The following SLC12A2 variants were observed in gnomAD, a reference collection of about 807,000 sequenced individuals.
SLC12A2 encodes the protein solute carrier family 12 member 2.
In SLC12A2, 67 loss-of-function variants were observed where a neutral mutation model predicts 136.3. The observed-to-expected ratio is 0.49, with a 90% CI of 0.40 to 0.60. The LOEUF is 0.60. Among genes scored for constraint, SLC12A2 ranks in the 20% least tolerant of loss-of-function variants. The pLI is 0.00. For missense variants in SLC12A2, 1,322 were observed against 1,534.7 expected (o/e 0.86, Z 2.32); for synonymous variants, 619 against 562.9 (o/e 1.10, Z -1.41).
intron 19 of SLC12A2, among the ~76,000 whole-genome samples, chr5:128,172,547 G>T (rs1039032674): frequency 6.6e-6 from 1 of 152,168 alleles, no homozygotes; most frequent in African/African-American, 2.4e-5. Flanking sequence ...AATCATTACT[G>T]TATAATTTTG....
chr5:128,109,637 C>T (rs892276385), intron 1 of SLC12A2: 1 of 791,390 alleles, frequency 1.3e-6, no homozygotes, highest in African/African-American at 1.7e-5. Context: ...TTTCTATATT[C>T]AGACAGTGGA....
At chr5:128,171,899 C>G in intron 19 of SLC12A2, 153 bp downstream of exon 19, 1 of 500,886 alleles carries the variant, frequency 2.0e-6, no homozygotes, top group South Asian at 3.8e-5. Flanking sequence ...CTGTTTGGCT[C>G]CACTAAAGTT....
chr5:128,170,125 A>G (rs1763326004), intron 18 of SLC12A2: 1 of 152,218 alleles, frequency 6.6e-6, no homozygotes, highest in South Asian at 2.1e-4. Flanking sequence ...AGTATATAAG[A>G]TCTGAAGCTG....
At chr5:128,170,509 T>A (rs923863011) in intron 18 of SLC12A2, 1 of 152,206 alleles carries the variant, frequency 6.6e-6, no homozygotes, top group Non-Finnish European at 1.5e-5. Flanking sequence ...TTTATTGGAT[T>A]TTAGCCTTTT....
chr5:128,133,877 T>A (rs530984731), intron 5 of SLC12A2, among the ~76,000 whole-genome samples: 1 of 152,078 alleles, frequency 6.6e-6, no homozygotes, highest in Non-Finnish European at 1.5e-5. Context: ...GTATTAGTTA[T>A]AACTTTTTTA....
chr5:128,166,213 A>G (rs1310397944), intron 17 of SLC12A2, among the ~76,000 whole-genome samples: 1 of 152,048 alleles, frequency 6.6e-6, no homozygotes, highest in Non-Finnish European at 1.5e-5. Context: ...AAATAATCCT[A>G]TGTGTGACCT....
In SLC12A2 at chr5:128,184,378, T is replaced by C. The variant is rs1763801769; in HGVS notation, c.3312T>C (p.Phe1104=). Residue 1104 remains phenylalanine, a synonymous_variant, in exon 25 of 27, where the codon TTT becomes TTC. Coordinates refer to ENST00000262461, the MANE Select transcript of SLC12A2 (RefSeq NM_001046.3). ...TKPKKENIIA[F]EEIIEPYRLH... ...CTGTTTTTTAAAGTATTATAGCTTT[T>C]GAGGAAATCATTGAGCCATACAGAC... 1.9e-6 allele frequency: 3 copies of C among 1,551,290 alleles called. No homozygotes were observed. Among genetic ancestry groups the C allele is most frequent in the Non-Finnish European group, 2.6e-6 (3 of 1,147,698 alleles).
chr5:128,113,031 C>T (rs1581073111), intron 2 of SLC12A2, 98 bp downstream of exon 2: 1 of 1,099,822 alleles, frequency 9.1e-7, no homozygotes, highest in South Asian at 2.2e-5. Flanking sequence ...CTCTTTTTTT[C>T]TCTATGTTAA....
At position 128,114,620 on chromosome 5, in the gene SLC12A2, T is replaced by C; in HGVS notation, c.987T>C (p.Val329=). 6.2e-7 allele frequency: 1 copy of C among 1,612,594 alleles called. No individual in the cohort carries two copies. The highest frequency in any genetic ancestry group is 8.5e-7 in the Non-Finnish European group (1 of 1,178,752). Residue 329 remains valine, a synonymous_variant, in exon 4 of 27, where the codon GTT becomes GTC. Transcript: ENST00000262461. ...LSVLVIMMAT[V]VTTITGLSTS... Reference sequence around the variant, plus strand: ...TCCTTGTAATAATGATGGCCACTGTTGTGACAACTATCACAGGATTGTCTA... The same window carrying C: ...TCCTTGTAATAATGATGGCCACTGTCGTGACAACTATCACAGGATTGTCTA...
At chr5:128,136,085 T>C (rs913551321) in intron 7 of SLC12A2, among the ~76,000 whole-genome samples, 8 of 152,254 alleles carry the variant, frequency 5.3e-5, no homozygotes, top group South Asian at 4.1e-4. Flanking sequence ...TCTACTAGTT[T>C]TGGGAATTTG....
rs558552618 is a variant in SLC12A2, at chr5:128,173,194, C to T, written c.2804-1347C>T. On this transcript the variant is annotated intron_variant, in intron 19 of 26. Coordinates refer to ENST00000262461, the MANE Select transcript of SLC12A2 (RefSeq NM_001046.3). The stretch of plus-strand genomic sequence containing the variant: ...CTCTCTTTACCCCTTTAAGGGCAGT[C>T]TGCAGTTTTGAAAAAAGCAATTTGA... Among the ~76,000 whole-genome samples, 12 of 152,238 alleles carry T rather than the reference C, an allele frequency of 7.9e-5. No homozygotes were observed. The South Asian group carries it at 8.3e-4, about 11-fold the overall frequency.
chr5:128,126,690 C>A (rs1330581786), intron 4 of SLC12A2, among the ~76,000 whole-genome samples: 1 of 151,922 alleles, frequency 6.6e-6, no homozygotes, highest in African/African-American at 2.4e-5. Context: ...TTTGAACTAC[C>A]TAAGACCTAT....
Position 128,188,701 on chromosome 5 carries a change from C to T in SLC12A2, c.*2070C>T, listed in dbSNP as rs867930985. The T allele has an allele frequency of 7.2e-6, 1 of 138,912 alleles. No homozygotes were observed. Among genetic ancestry groups the T allele is most frequent in the African/African-American group, 2.7e-5 (1 of 36,718 alleles). The allele number at this position is 138,912 out of a possible 1,614,324, so 8.6% of individuals were successfully genotyped here. On this transcript the variant is annotated 3_prime_UTR_variant, in exon 27 of 27. Transcript: ENST00000262461. ...GTATAGAGATCTGATAACTTGAATTCAGAATATTAAGAAAATGAAGTAACT... is the reference window on the plus strand; with the variant it reads ...GTATAGAGATCTGATAACTTGAATTTAGAATATTAAGAAAATGAAGTAACT...
intron 1 of SLC12A2, among the ~76,000 whole-genome samples, chr5:128,102,589 C>CCT (rs1354697581): frequency 1.5e-5 from 2 of 136,060 alleles, no homozygotes; most frequent in African/African-American, 5.4e-5. Context: ...TTCACCCCCC[C>CCT]CCCCGCCTTT....
chr5:128,132,460 G>A (rs1762056080), intron 5 of SLC12A2, among the ~76,000 whole-genome samples: 5 of 152,140 alleles, frequency 3.3e-5, no homozygotes. Context: ...TGCCATTTGC[G>A]GTGTGATGGA....
At position 128,130,540 on chromosome 5, in the gene SLC12A2, G is replaced by A. The variant is rs540560522; in HGVS notation, c.1049-527G>A. On this transcript the variant is annotated intron_variant, in intron 4 of 26. Transcript: ENST00000262461. Reference sequence around the variant, plus strand: ...AAAAAAAAAAAAAAAAAAAAAGTCCGGTGTGGTGGCACGCACCTGTAGTCT... The same window carrying A: ...AAAAAAAAAAAAAAAAAAAAAGTCCAGTGTGGTGGCACGCACCTGTAGTCT... Among the ~76,000 whole-genome samples the A allele has an allele frequency of 1.5e-4, 21 of 140,232 alleles. 1 individual carries two copies. Among genetic ancestry groups the A allele is most frequent in the East Asian group, 1.4e-3 (7 of 4,936 alleles). The allele number at this position is 140,232 out of a possible 152,430, so 92.0% of individuals were successfully genotyped here. A position where few individuals can be genotyped will look rare whatever the true frequency, so the allele number is the denominator to read the frequency against.
intron 1 of SLC12A2, among the ~76,000 whole-genome samples, chr5:128,085,803 C>T (rs1013777949): frequency 6.6e-6 from 1 of 152,100 alleles, no homozygotes; most frequent in African/African-American, 2.4e-5. Flanking sequence ...GTACTTGTCC[C>T]AGTGTTTGAT....
At position 128,083,933 on chromosome 5, in the gene SLC12A2, T is replaced by G. The variant is rs1759902510; in HGVS notation, c.-22T>G. ...CGGAGACGTCCGCCGGGCTCTGCAG[T>G]TCCGCCGGGGGTCGGGCAGCTATGG... is the stretch of plus-strand genomic sequence containing the variant. On this transcript the variant is annotated 5_prime_UTR_variant, in exon 1 of 27. Coordinates refer to ENST00000262461, the MANE Select transcript of SLC12A2 (RefSeq NM_001046.3). The G allele has an allele frequency of 8.2e-7, 1 of 1,224,564 alleles. No homozygotes were observed. Among genetic ancestry groups the G allele is most frequent in the African/African-American group, 1.6e-5 (1 of 63,588 alleles). 75.9% of individuals were successfully genotyped at this position (1,224,564 alleles called of 1,614,324 possible). A position where few individuals can be genotyped will look rare whatever the true frequency, so the allele number is the denominator to read the frequency against.
intron 4 of SLC12A2, among the ~76,000 whole-genome samples, chr5:128,118,687 C>A (rs1761443392): frequency 6.6e-6 from 1 of 152,094 alleles, no homozygotes; most frequent in Admixed American, 6.5e-5. Context: ...AGAACTTACC[C>A]ATGTAACCAA....
Sources: allele counts gnomAD v4.1 joint callset (sites outside exome capture counted in the v4.1 genomes callset), GRCh38; gene constraint gnomAD v4.1.1; transcripts MANE v1.5; gene names NCBI Gene and HGNC (gene_info 2026-07-23, HGNC 2026-07-21).